GMDS: variants seen among roughly 807,000 people sequenced by gnomAD.
The protein encoded by GMDS is GDP-mannose 4,6-dehydratase.
GMDS carries 20 observed loss-of-function variants against 49.9 expected under a neutral mutation model. The observed-to-expected ratio is 0.40, with a 90% confidence interval of 0.28 to 0.58. The LOEUF is 0.58. Among genes scored for constraint, GMDS ranks in the 20% least tolerant of loss-of-function variants. The pLI is 0.42. For synonymous variants in GMDS, 177 were observed against 178.6 expected (o/e 0.99, Z 0.07); for missense variants, 362 against 481.4 (o/e 0.75, Z 2.32).
intron 4 of GMDS, among the ~76,000 whole-genome samples, chr6:2,104,741 A>G (rs1235489749): frequency 6.6e-6 from 1 of 152,190 alleles, no homozygotes; most frequent in Non-Finnish European, 1.5e-5. Flanking sequence ...ATTGCTGCTG[A>G]TAAATTTTAA....
chr6:2,053,469 C>T (rs192203386), intron 4 of GMDS, among the ~76,000 whole-genome samples: 1 of 152,090 alleles, frequency 6.6e-6, no homozygotes, highest in African/African-American at 2.4e-5. Context: ...AAAATTAAAG[C>T]TCTTATGGCT....
At chr6:2,082,187 C>T (rs1772754405) in intron 4 of GMDS, among the ~76,000 whole-genome samples, 1 of 152,198 alleles carries the variant, frequency 6.6e-6, no homozygotes, top group Non-Finnish European at 1.5e-5. Context: ...CGCACACACA[C>T]ACAAACACAC....
chr6:2,190,289 ATTGC>A (rs1778955750), intron 1 of GMDS, among the ~76,000 whole-genome samples: 2 of 152,312 alleles, frequency 1.3e-5, no homozygotes, highest in East Asian at 1.9e-4. Flanking sequence ...CCCCATTTTG[ATTGC>A]TTGTTTTCTC....
At chr6:2,131,237 T>C (rs1179464700) in intron 1 of GMDS, among the ~76,000 whole-genome samples, 1 of 152,158 alleles carries the variant, frequency 6.6e-6, no homozygotes, top group Non-Finnish European at 1.5e-5. Flanking sequence ...ACTTTCAACA[T>C]ACTAAAATAA....
chr6:2,243,999 A>G (rs1173934418), intron 1 of GMDS, among the ~76,000 whole-genome samples: 1 of 151,598 alleles, frequency 6.6e-6, no homozygotes, highest in East Asian at 1.9e-4. Context: ...AGTAGCTAGC[A>G]CTACAGGTGA....
At chr6:1,678,134 G>A (rs894368068) in intron 9 of GMDS, among the ~76,000 whole-genome samples, 2 of 151,898 alleles carry the variant, frequency 1.3e-5, no homozygotes, top group Non-Finnish European at 2.9e-5. Flanking sequence ...GCCTTAGGAG[G>A]GACCCCACAA....
At chr6:2,182,750 G>GT (rs1778609718) in intron 1 of GMDS, among the ~76,000 whole-genome samples, 2 of 152,280 alleles carry the variant, frequency 1.3e-5, no homozygotes, top group Admixed American at 6.5e-5. Flanking sequence ...GTGTTGCCCA[G>GT]GCCAGAGTAC....
intron 1 of GMDS, among the ~76,000 whole-genome samples, chr6:2,144,924 A>G (rs575253525): frequency 1.2e-4 from 19 of 152,122 alleles, no homozygotes; most frequent in Non-Finnish European, 2.1e-4. Flanking sequence ...CAATAAAGGA[A>G]ACATAGAAGC....
chr6:1,625,406 G>C (rs1446315809), intron 9 of GMDS: 1 of 152,274 alleles, frequency 6.6e-6, no homozygotes, highest in African/African-American at 2.4e-5. Flanking sequence ...CGGAGCTGCA[G>C]CCAGCAGCTC....
At chr6:2,127,264 T>C (rs1193226717) in intron 1 of GMDS, among the ~76,000 whole-genome samples, 5 of 152,208 alleles carry the variant, frequency 3.3e-5, no homozygotes, top group Non-Finnish European at 5.9e-5. Flanking sequence ...AATTTGGCAG[T>C]AGGTTGGAAA....
chr6:1,796,010 C>T (rs942184823), intron 7 of GMDS, among the ~76,000 whole-genome samples: 1 of 152,166 alleles, frequency 6.6e-6, no homozygotes, highest in East Asian at 1.9e-4. Flanking sequence ...ATGCCTGTAT[C>T]GGAAGAGAAA....
At chr6:1,875,851 C>T (rs755724166) in intron 7 of GMDS, among the ~76,000 whole-genome samples, 1 of 151,700 alleles carries the variant, frequency 6.6e-6, no homozygotes, top group Non-Finnish European at 1.5e-5. Context: ...CATGGAGAAA[C>T]CCCGTTTCTA....
chr6:2,107,315 A>G (rs961235393), intron 4 of GMDS, among the ~76,000 whole-genome samples: 5 of 152,200 alleles, frequency 3.3e-5, no homozygotes, highest in Non-Finnish European at 7.3e-5. Flanking sequence ...TTTGAATTCA[A>G]TTGCTCAAAT....
intron 4 of GMDS, among the ~76,000 whole-genome samples, chr6:2,109,353 T>A (rs781145699): frequency 2.0e-5 from 3 of 152,180 alleles, no homozygotes; most frequent in Non-Finnish European, 2.9e-5. Context: ...GAGAAGCTGA[T>A]GCTTAAGTTC....
At chr6:2,079,951 G>A (rs1772576892) in intron 4 of GMDS, among the ~76,000 whole-genome samples, 1 of 151,924 alleles carries the variant, frequency 6.6e-6, no homozygotes, top group African/African-American at 2.4e-5. Context: ...TCAAATATGT[G>A]GTGGCTTTAT....
chr6:2,173,214 C>T (rs927346947), intron 1 of GMDS, among the ~76,000 whole-genome samples: 2 of 152,116 alleles, frequency 1.3e-5, no homozygotes, highest in Non-Finnish European at 2.9e-5. Flanking sequence ...GAGTCTTAAG[C>T]CTTTCATTAT....
At chr6:1,682,970 C>T (rs1357554832) in intron 9 of GMDS, among the ~76,000 whole-genome samples, 2 of 152,204 alleles carry the variant, frequency 1.3e-5, no homozygotes, top group Non-Finnish European at 2.9e-5. Context: ...GTCCTAGAAG[C>T]CCCCAATATA....
intron 6 of GMDS, among the ~76,000 whole-genome samples, chr6:1,955,300 A>T (rs1763569357): frequency 6.6e-6 from 1 of 152,198 alleles, no homozygotes; most frequent in African/African-American, 2.4e-5. Flanking sequence ...ATCATTTACC[A>T]AAATTTGTTA....
chr6:2,243,346 G>T (rs1232505367), intron 1 of GMDS, among the ~76,000 whole-genome samples: 3 of 152,142 alleles, frequency 2.0e-5, no homozygotes, highest in African/African-American at 4.8e-5. Context: ...TCAAAATTAG[G>T]TTCCATTTCT....
Sources: gnomAD v4.1 joint callset for allele counts (sites outside exome capture counted in the v4.1 genomes callset) on GRCh38, gnomAD v4.1.1 for gene constraint, MANE v1.5 for transcripts, NCBI Gene and HGNC (gene_info 2026-07-23, HGNC 2026-07-21) for gene names.